IL16: variants seen among roughly 807,000 people sequenced by gnomAD.
The protein encoded by IL16 is pro-interleukin-16.
IL16 carries 67 observed loss-of-function variants against 110.1 expected under a neutral mutation model. The ratio of observed to expected loss-of-function variants is 0.61; its 90% CI spans 0.50 to 0.75. The LOEUF is 0.75. Among genes scored for constraint, IL16 ranks in the 30% least tolerant of loss-of-function variants. The pLI is 0.00. For missense variants in IL16, 1,545 were observed against 1,655.0 expected (o/e 0.93, Z 1.15); for synonymous variants, 689 against 662.9 (o/e 1.04, Z -0.61).
chr15:81,299,592 G>T lies in IL16; in HGVS notation c.2266G>T (p.Gly756Trp), dbSNP rs1567044149. Residue 756 changes from glycine (G) to tryptophan (W), a missense_variant, in exon 14 of 19, where the codon GGG becomes TGG. Gly to Trp is a radical substitution (Grantham distance 184, BLOSUM62 -2). Transcript: ENST00000683961. The stretch of plus-strand genomic sequence containing the variant: ...AGAAGGGACACAGGGCCACCCAGAT[G>T]GGACCCCACCAAAGCTGGACACCGC... ...EEEGTQGHPD[G>W]TPPKLDTANG... 6.2e-7 allele frequency: 1 copy of T among 1,614,172 alleles called. No homozygotes were observed. Among genetic ancestry groups the T allele is most frequent in the South Asian group, 1.1e-5 (1 of 91,086 alleles).
intron 7 of IL16, 79 bp downstream of exon 7, chr15:81,278,969 C>G (rs1379749806): frequency 1.1e-6 from 1 of 945,842 alleles, no homozygotes; most frequent in African/African-American, 1.6e-5. Flanking sequence ...TCCAAACCTA[C>G]AAATTCAAAC....
chr15:81,198,606 T>G (rs1245733220), intron 1 of IL16, among the ~76,000 whole-genome samples: 3 of 152,060 alleles, frequency 2.0e-5, no homozygotes, highest in Admixed American at 2.0e-4. Flanking sequence ...AAGGCAGAAT[T>G]ATTTTGGCAG....
chr15:81,252,860 T>C (rs1897814932), intron 2 of IL16, among the ~76,000 whole-genome samples: 1 of 152,234 alleles, frequency 6.6e-6, no homozygotes, highest in African/African-American at 2.4e-5. Flanking sequence ...TATTCCATTT[T>C]ATTCATCCAT....
At chr15:81,240,052 G>A (rs1338050459) in intron 2 of IL16, among the ~76,000 whole-genome samples, 2 of 152,196 alleles carry the variant, frequency 1.3e-5, no homozygotes, top group Admixed American at 6.5e-5. Flanking sequence ...GGAATTGGAA[G>A]TCTCCGTTCT....
At chr15:81,270,194 C>T (rs980698926) in intron 5 of IL16, among the ~76,000 whole-genome samples, 1 of 152,208 alleles carries the variant, frequency 6.6e-6, no homozygotes, top group African/African-American at 2.4e-5. Context: ...ATCTCTGCTT[C>T]ATAATGGAGA....
At chr15:81,302,584 T>C (rs1217851528) in intron 15 of IL16, among the ~76,000 whole-genome samples, 1 of 152,124 alleles carries the variant, frequency 6.6e-6, no homozygotes, top group African/African-American at 2.4e-5. Context: ...CTTAGGATCA[T>C]AGGGACAGCT....
At chr15:81,240,500 G>A (rs1330793278) in intron 2 of IL16, among the ~76,000 whole-genome samples, 1 of 151,550 alleles carries the variant, frequency 6.6e-6, no homozygotes, top group African/African-American at 2.4e-5. Context: ...TTGTTCCTTT[G>A]CATCCTCATC....
In IL16 at chr15:81,300,489, C is replaced by T. The variant is rs760548753; in HGVS notation, c.3149+14C>T. On this transcript the variant is annotated intron_variant, in intron 14 of 18. Transcript: ENST00000683961. ...GTTCTCGCTCAAGTGAGTTTCTACA[C>T]CCGGTGTTTCTCTTTACCTTTCTCA... The T allele has an allele frequency of 6.5e-7, 1 of 1,550,114 alleles. No individual in the cohort carries two copies. The highest frequency in any genetic ancestry group is 8.9e-7 in the Non-Finnish European group (1 of 1,126,348).
chr15:81,186,425 G>A (rs1056445601), intron 1 of IL16, among the ~76,000 whole-genome samples: 2 of 152,116 alleles, frequency 1.3e-5, no homozygotes. Context: ...TTAGTAAGCA[G>A]TATGCAGCTG....
chr15:81,243,230 CA>C (rs1198055271), intron 2 of IL16, among the ~76,000 whole-genome samples: 1 of 115,828 alleles, frequency 8.6e-6, no homozygotes, highest in Non-Finnish European at 1.6e-5. Context: ...GGCTGGAGTG[CA>C]GTGGCACAAT....
At position 81,279,428 on chromosome 15, in the gene IL16, T is replaced by A. The variant is rs578138859; in HGVS notation, c.865-130T>A. On this transcript the variant is annotated intron_variant, in intron 7 of 18. Coordinates refer to ENST00000683961, the MANE Select transcript of IL16 (RefSeq NM_172217.5). ...ATATGTCATAATATAATTTGTAACA[T>A]GTATGAATATATGCGCACATTTATA... The A allele has an allele frequency of 7.0e-5, 44 of 629,964 alleles. 1 individual carries two copies. In the South Asian group the frequency reaches 8.6e-4, roughly 12 times the overall value. 39.0% of individuals were successfully genotyped at this position (629,964 alleles called of 1,614,324 possible).
intron 5 of IL16, among the ~76,000 whole-genome samples, chr15:81,272,624 G>A (rs1015197691): frequency 1.3e-5 from 2 of 152,224 alleles, no homozygotes; most frequent in Admixed American, 1.3e-4. Flanking sequence ...ACATTGTAAA[G>A]CTGCTACTAT....
At chr15:81,287,520 T>C (rs1899505618) in intron 10 of IL16, among the ~76,000 whole-genome samples, 1 of 152,182 alleles carries the variant, frequency 6.6e-6, no homozygotes, top group South Asian at 2.1e-4. Flanking sequence ...AGGCATGTTT[T>C]TCAAAGATGT....
At chr15:81,234,706 G>A (rs566513574) in intron 2 of IL16, among the ~76,000 whole-genome samples, 11 of 151,810 alleles carry the variant, frequency 7.2e-5, no homozygotes, top group South Asian at 6.3e-4. Context: ...TGTGTTTCTC[G>A]GTAAGATCAC....
Position 81,208,346 on chromosome 15 carries a change from T to A in IL16, c.-102+11194T>A, listed in dbSNP as rs538360011. The stretch of plus-strand genomic sequence containing the variant: ...GGTTGTCTTTTTACTCTGTTGATAG[T>A]TTCTTTTGCTGTGCAGAAGCTCGTT... On this transcript the variant is annotated intron_variant, in intron 1 of 18. Coordinates refer to ENST00000683961, the MANE Select transcript of IL16 (RefSeq NM_172217.5). Among the ~76,000 whole-genome samples the A allele has an allele frequency of 8.5e-5, 13 of 152,354 alleles. 1 individual carries two copies. In the South Asian group the frequency reaches 2.5e-3, roughly 29 times the overall value.
chr15:81,272,455 A>C (rs74427756), intron 5 of IL16, among the ~76,000 whole-genome samples: 7,487 of 152,150 alleles, frequency 0.049, 553 homozygotes, highest in African/African-American at 0.16. Flanking sequence ...CTATGAGTTT[A>C]TTCTCCCAGA....
At chr15:81,202,726 G>T (rs563624275) in intron 1 of IL16, among the ~76,000 whole-genome samples, 9 of 152,272 alleles carry the variant, frequency 5.9e-5, no homozygotes, top group Admixed American at 5.9e-4. Context: ...GTCTATCATT[G>T]TTGGACATTT....
Position 81,308,595 on chromosome 15 carries a change from C to G in IL16, c.3806-10C>G, listed in dbSNP as rs952705492. ...ATCTGTGGAACCCATTACCTTCTCCCTCATTTCAGGAGCAGCCTCAGAACA... is the reference window on the plus strand; with the variant it reads ...ATCTGTGGAACCCATTACCTTCTCCGTCATTTCAGGAGCAGCCTCAGAACA... On this transcript the variant is annotated splice_polypyrimidine_tract_variant and intron_variant, in intron 18 of 18. Coordinates refer to ENST00000683961, the MANE Select transcript of IL16 (RefSeq NM_172217.5). 14 of 1,587,096 alleles carry G rather than the reference C, an allele frequency of 8.8e-6. No homozygotes were observed. Among genetic ancestry groups the G allele is most frequent in the Non-Finnish European group, 1.2e-5 (14 of 1,168,018 alleles).
chr15:81,289,797 C>T, intron 10 of IL16: 5 of 333,782 alleles, frequency 1.5e-5, no homozygotes, highest in Admixed American at 3.8e-5. Context: ...TCACATAGTC[C>T]AATTTATCTA....
Sources: gnomAD v4.1 joint callset for allele counts (sites outside exome capture counted in the v4.1 genomes callset) on GRCh38, gnomAD v4.1.1 for gene constraint, MANE v1.5 for transcripts, NCBI Gene and HGNC (gene_info 2026-07-23, HGNC 2026-07-21) for gene names.